Variants in SGSM2 observed in about 807,000 individuals in gnomAD.
SGSM2 encodes small G protein signaling modulator 2.
SGSM2 carries 89 observed loss-of-function variants against 126.6 expected under a neutral mutation model. The ratio of observed to expected loss-of-function variants is 0.70; its 90% CI spans 0.59 to 0.84. SGSM2 has a LOEUF of 0.84. Among genes scored for constraint, SGSM2 ranks in the 40% least tolerant of loss-of-function variants. SGSM2 has a pLI of 0.00. For synonymous variants in SGSM2, 614 were observed against 574.3 expected (o/e 1.07, Z -0.99); for missense variants, 1,404 against 1,416.6 (o/e 0.99, Z 0.14).
chr17:2,345,527 C>T lies in SGSM2; in HGVS notation c.133+1907C>T, dbSNP rs1362973071. On this transcript the variant is annotated intron_variant, in intron 2 of 23. Coordinates refer to ENST00000268989, the MANE Select transcript of SGSM2 (RefSeq NM_014853.3). ...AGGAGAATGGCGTGAACCCGGGAGG[C>T]GGAGCTTGCAGTGAGCCAAGATCGC... is the stretch of plus-strand genomic sequence containing the variant. 9.7e-5 allele frequency among the ~76,000 whole-genome samples: 14 copies of T among 144,014 alleles called. No individual in the cohort carries two copies. In the South Asian group the frequency reaches 1.5e-3, roughly 16 times the overall value. The allele number at this position is 144,014 out of a possible 152,430, so 94.5% of individuals were successfully genotyped here.
intron 1 of SGSM2, among the ~76,000 whole-genome samples, chr17:2,342,475 A>T (rs547788927): frequency 6.6e-6 from 1 of 152,116 alleles, no homozygotes; most frequent in South Asian, 2.1e-4. Flanking sequence ...GTCGTGTTGG[A>T]ATCAGGAGAG....
In SGSM2 at chr17:2,337,733, C is replaced by T. The variant is rs866774347; in HGVS notation, c.45C>T (p.Asn15=). The change falls in exon 1 of 24, where the codon AAC becomes AAT. Residue 15 remains asparagine (N), a synonymous_variant. Coordinates refer to ENST00000268989, the MANE Select transcript of SGSM2 (RefSeq NM_014853.3). This position sits in a 1 kb window ranked among gnomAD's most constrained non-coding sequence, Gnocchi z 5.1. ...EDAVKEKLLW[N]VKKEVKQIME... is the part of the protein sequence containing the mutation. Reference sequence around the variant, plus strand: ...CAGTCAAAGAGAAACTGCTGTGGAACGTGAAGAAGGAGGTAAAGTCGAGTC... The same window carrying T: ...CAGTCAAAGAGAAACTGCTGTGGAATGTGAAGAAGGAGGTAAAGTCGAGTC... The T allele has an allele frequency of 1.3e-6, 2 of 1,543,802 alleles. No individual in the cohort carries two copies. Among genetic ancestry groups the T allele is most frequent in the Non-Finnish European group, 1.8e-6 (2 of 1,142,780 alleles).
Position 2,368,970 on chromosome 17 carries a change from G to A in SGSM2, c.1423+1565G>A, listed in dbSNP as rs140959588. Among the ~76,000 whole-genome samples the A allele has an allele frequency of 3.3e-3, 509 of 152,300 alleles. 2 individuals carry two copies. The highest frequency in any genetic ancestry group is 0.012 in the African/African-American group (494 of 41,554). ...GACTAGTCTTAGGGCTGAGGCCTCC[G>A]GGATCAGAGAAACTTCCAGACCCAC... is the stretch of plus-strand genomic sequence containing the variant. On this transcript the variant is annotated intron_variant, in intron 12 of 23. Transcript: ENST00000268989.
In SGSM2 at chr17:2,362,791, G is replaced by C; in HGVS notation, c.459-47G>C. 6.2e-7 allele frequency: 1 copy of C among 1,604,242 alleles called. No homozygotes were observed. The highest frequency in any genetic ancestry group is 8.5e-7 in the Non-Finnish European group (1 of 1,172,640). On this transcript the variant is annotated intron_variant, in intron 4 of 23. Transcript: ENST00000268989. This position sits in a 1 kb window ranked among gnomAD's most constrained non-coding sequence, Gnocchi z 4.9. Reference sequence around the variant, plus strand: ...CTACCTGGTGAGCTTGACTGCCCTGGAATGAGCCCCGGAGCCTCGGCAGTC... The same window carrying C: ...CTACCTGGTGAGCTTGACTGCCCTGCAATGAGCCCCGGAGCCTCGGCAGTC...
intron 2 of SGSM2, among the ~76,000 whole-genome samples, chr17:2,351,277 A>C (rs915882838): frequency 6.6e-6 from 1 of 150,722 alleles, no homozygotes; most frequent in African/African-American, 2.4e-5. Context: ...GAGAGGAGCT[A>C]GTGTTTGAAC....
At chr17:2,345,476 G>C (rs1028556776) in intron 2 of SGSM2, among the ~76,000 whole-genome samples, 3 of 151,578 alleles carry the variant, frequency 2.0e-5, no homozygotes, top group South Asian at 2.1e-4. Flanking sequence ...GGCGCCTGTA[G>C]TCCCAGCTAC....
At chr17:2,359,777 A>G (rs1044313705) in intron 2 of SGSM2, among the ~76,000 whole-genome samples, 1 of 151,956 alleles carries the variant, frequency 6.6e-6, no homozygotes, top group Admixed American at 6.6e-5. Context: ...AATTAATCAC[A>G]CCACTGAGGC....
chr17:2,377,562 G>C (rs2066234080), intron 21 of SGSM2: 1 of 261,812 alleles, frequency 3.8e-6, no homozygotes, highest in Non-Finnish European at 7.3e-6. Context: ...TCGTGCCCAT[G>C]AAAGTTCTGG....
At chr17:2,341,081 T>G (rs2064348760) in intron 1 of SGSM2, among the ~76,000 whole-genome samples, 1 of 152,154 alleles carries the variant, frequency 6.6e-6, no homozygotes, top group African/African-American at 2.4e-5. Flanking sequence ...TATCCTCTGT[T>G]GAATGCTAAC....
In SGSM2 at chr17:2,377,937, G is replaced by C. The variant is rs758704694; in HGVS notation, c.2883G>C (p.Leu961=). 1.2e-6 allele frequency: 2 copies of C among 1,610,834 alleles called. No individual in the cohort carries two copies. Among genetic ancestry groups the C allele is most frequent in the African/African-American group, 1.3e-5 (1 of 74,846 alleles). Residue 961 remains leucine (L), a synonymous_variant, in exon 22 of 24, where the codon CTG becomes CTC. Coordinates refer to ENST00000268989, the MANE Select transcript of SGSM2 (RefSeq NM_014853.3). ...TCTACTTCTGTTATCGCTGGTTCCT[G>C]CTGGATTTTAAGAGAGGTAAGAAGT... ...THFYFCYRWF[L]LDFKRELLYE...
chr17:2,351,716 C>T (rs896846460), intron 2 of SGSM2, among the ~76,000 whole-genome samples: 5 of 152,162 alleles, frequency 3.3e-5, no homozygotes, highest in African/African-American at 4.8e-5. Flanking sequence ...CGCACCACCA[C>T]GCTCGGCTAC....
intron 11 of SGSM2, among the ~76,000 whole-genome samples, chr17:2,365,713 C>T (rs964120459): frequency 3.3e-5 from 5 of 151,102 alleles, no homozygotes; most frequent in Admixed American, 6.6e-5. Flanking sequence ...CCAACCCCTA[C>T]AAGACAGCCT....
At chr17:2,350,483 G>C (rs575746194) in intron 2 of SGSM2, among the ~76,000 whole-genome samples, 1 of 151,746 alleles carries the variant, frequency 6.6e-6, no homozygotes, top group Non-Finnish European at 1.5e-5. Flanking sequence ...GGTGGCGCAC[G>C]TCTATAATTC....
chr17:2,343,543 A>T lies in SGSM2; in HGVS notation c.58-2A>T. On this transcript the variant is annotated splice_acceptor_variant, in intron 1 of 23. Coordinates refer to ENST00000268989, the MANE Select transcript of SGSM2 (RefSeq NM_014853.3). LOFTEE classifies it high-confidence loss of function. ...GCAGTGATGCTGTCCATGTGTCCGC[A>T]GGTGAAGCAAATCATGGAGGAGGCT... is the stretch of plus-strand genomic sequence containing the variant. The T allele has an allele frequency of 6.2e-7, 1 of 1,614,070 alleles. No individual in the cohort carries two copies. Among genetic ancestry groups the T allele is most frequent in the Non-Finnish European group, 8.5e-7 (1 of 1,179,898 alleles).
intron 1 of SGSM2, among the ~76,000 whole-genome samples, chr17:2,338,981 C>T (rs1391332963): frequency 1.3e-5 from 2 of 151,570 alleles, no homozygotes; most frequent in Non-Finnish European, 2.9e-5. Context: ...ATCGCTGGAA[C>T]CTGGGAGGTG....
At position 2,379,471 on chromosome 17, in the gene SGSM2, T is replaced by C. The variant is rs531843735; in HGVS notation, c.3107T>C (p.Ile1036Thr). The C allele has an allele frequency of 6.2e-7, 1 of 1,613,624 alleles. No homozygotes were observed. Among genetic ancestry groups the C allele is most frequent in the South Asian group, 1.1e-5 (1 of 91,062 alleles). ...EHHDAQEILR[I>T]ARDLVHKVQM... The stretch of plus-strand genomic sequence containing the variant: ...CACGATGCCCAGGAGATCCTGCGGA[T>C]TGCCCGGGACCTCGTCCACAAGGTG... Residue 1036 changes from isoleucine (I) to threonine (T), a missense_variant, in exon 24 of 24, where the codon ATT (isoleucine) becomes ACT (threonine). By Grantham distance (89) the Ile-to-Thr change is moderately conservative. Transcript: ENST00000268989.
chr17:2,377,077 G>T lies in SGSM2; in HGVS notation c.2802+9G>T, dbSNP rs374913607. 6.3e-7 allele frequency: 1 copy of T among 1,593,786 alleles called. No homozygotes were observed. Among genetic ancestry groups the T allele is most frequent in the Non-Finnish European group, 8.6e-7 (1 of 1,164,486 alleles). On this transcript the variant is annotated intron_variant, in intron 21 of 23. Transcript: ENST00000268989. ...TGCGCTCCCTCATCCAGGTGAGGCCGGTTGCCACCCATGGGCATGGGAGCA... is the reference window on the plus strand; with the variant it reads ...TGCGCTCCCTCATCCAGGTGAGGCCTGTTGCCACCCATGGGCATGGGAGCA...
intron 19 of SGSM2, 55 bp downstream of exon 19, chr17:2,376,316 C>T: frequency 1.3e-6 from 2 of 1,502,886 alleles, no homozygotes; most frequent in Non-Finnish European, 1.8e-6. Flanking sequence ...GCCAGTTACT[C>T]TGTGAAGATG....
Position 2,380,379 on chromosome 17 carries a change from C to G in SGSM2, c.*859C>G, listed in dbSNP as rs779019725. On this transcript the variant is annotated 3_prime_UTR_variant, in exon 24 of 24. Transcript: ENST00000268989. ...AGGGTGACTCTGTCGGGGAAGAATC[C>G]GGTCACAGCCTCCCCTCAGAGACAG... 7.5e-7 allele frequency: 1 copy of G among 1,339,714 alleles called. No homozygotes were observed. Among genetic ancestry groups the G allele is most frequent in the Admixed American group, 2.0e-5 (1 of 50,622 alleles). The allele number at this position is 1,339,714 out of a possible 1,614,324, so 83.0% of individuals were successfully genotyped here.
Sources: gnomAD v4.1 joint callset for allele counts (sites outside exome capture counted in the v4.1 genomes callset) on GRCh38, gnomAD v4.1.1 for gene constraint, Gnocchi (gnomAD v3.1) non-coding constraint, MANE v1.5 for transcripts, NCBI Gene and HGNC (gene_info 2026-07-23, HGNC 2026-07-21) for gene names.